The following TFDP1 variants were observed in gnomAD, a reference collection of about 807,000 sequenced individuals.
The protein encoded by TFDP1 is DRTF1-polypeptide 1.
In TFDP1, 6 loss-of-function variants were observed where a neutral mutation model predicts 48.0. That is an observed-to-expected ratio of 0.13 (90% CI 0.07 to 0.25). The LOEUF is 0.25. TFDP1 is among the 10% of genes least tolerant of loss of function. TFDP1 has a pLI of 1.00. For missense variants in TFDP1, 335 were observed against 543.0 expected, an observed-to-expected ratio of 0.62 and a Z score of 3.81; for synonymous variants, 201 against 211.6, an observed-to-expected ratio of 0.95 and a Z score of 0.44.
intron 4 of TFDP1, among the ~76,000 whole-genome samples, chr13:113,625,264 ATGTCCTCAGGTGTCTCTCACG>A (rs1655817437): frequency 3.1e-4 from 15 of 48,294 alleles, no homozygotes; most frequent in African/African-American, 8.6e-4. Flanking sequence ...TATCTCTCAC[ATGTCCTCAGGTGTCTCTCACG>A]TGTCCTCAGG....
chr13:113,597,110 C>T (rs1222984014), intron 2 of TFDP1, among the ~76,000 whole-genome samples: 2 of 152,136 alleles, frequency 1.3e-5, no homozygotes, highest in Non-Finnish European at 2.9e-5. Context: ...CCCCAGGCCA[C>T]CCTGGAGGAG....
intron 2 of TFDP1, among the ~76,000 whole-genome samples, chr13:113,602,510 G>T (rs2048462851): frequency 6.6e-6 from 1 of 152,210 alleles, no homozygotes; most frequent in Admixed American, 6.5e-5. Context: ...CATTCATTAT[G>T]CAGTTTAATG....
At chr13:113,631,553 A>G in intron 4 of TFDP1, 70 bp from the exon 5 acceptor site, 1 of 1,538,070 alleles carries the variant, frequency 6.5e-7, no homozygotes, top group Non-Finnish European at 8.7e-7. Context: ...GATAGCGAAC[A>G]GATGGTGGGC....
Position 113,598,328 on chromosome 13 carries a change from C to T in TFDP1, c.12+12479C>T, listed in dbSNP as rs1201958694. 6.6e-6 allele frequency among the ~76,000 whole-genome samples: 1 copy of T among 152,164 alleles called. No individual in the cohort carries two copies. Among genetic ancestry groups the T allele is most frequent in the Non-Finnish European group, 1.5e-5 (1 of 68,032 alleles). ...CATTTGTGCCTGTTGTAGACTAGAG[C>T]ATCATTTGGTGTTTTTCTGCTGGAA... On this transcript the variant is annotated intron_variant, in intron 2 of 11. Transcript: ENST00000375370. This position sits in a 1 kb window ranked among gnomAD's most constrained non-coding sequence, Gnocchi z 4.2.
chr13:113,602,449 G>A (rs1032246365), intron 2 of TFDP1, among the ~76,000 whole-genome samples: 8 of 151,316 alleles, frequency 5.3e-5, no homozygotes, highest in Admixed American at 2.0e-4. Context: ...GGTAGCAGGC[G>A]GGGCCCATCC....
chr13:113,608,798 T>C (rs1054123745), intron 2 of TFDP1, among the ~76,000 whole-genome samples: 1 of 152,212 alleles, frequency 6.6e-6, no homozygotes, highest in Non-Finnish European at 1.5e-5. Flanking sequence ...TCATCTCCTG[T>C]GGGTTCTAGC....
In TFDP1 at chr13:113,628,965, C is replaced by T. The variant is rs988422651; in HGVS notation, c.187-2658C>T. ...GCACAGGCGGCCGGCCCGAGTTCACCGGCTTCCTGTGCACCAGGAAGGAAA... is the reference window on the plus strand; with the variant it reads ...GCACAGGCGGCCGGCCCGAGTTCACTGGCTTCCTGTGCACCAGGAAGGAAA... On this transcript the variant is annotated intron_variant, in intron 4 of 11. Transcript: ENST00000375370. Among the ~76,000 whole-genome samples, 17 of 152,310 alleles carry T rather than the reference C, an allele frequency of 1.1e-4. No homozygotes were observed. In the East Asian group the frequency reaches 1.2e-3, roughly 10 times the overall value.
At chr13:113,589,837 C>T (rs556600383) in intron 2 of TFDP1, among the ~76,000 whole-genome samples, 4 of 152,204 alleles carry the variant, frequency 2.6e-5, no homozygotes, top group Non-Finnish European at 5.9e-5. Flanking sequence ...CAGCCTGCGG[C>T]CAAGTTTCCT....
intron 3 of TFDP1, among the ~76,000 whole-genome samples, chr13:113,619,907 T>TG (rs1001445689): frequency 1.3e-5 from 2 of 152,074 alleles, no homozygotes; most frequent in African/African-American, 4.8e-5. Context: ...GCAGCTGGTG[T>TG]GGGGGCTCAG....
chr13:113,638,532 A>G (rs1284784424), intron 11 of TFDP1, among the ~76,000 whole-genome samples: 1 of 151,796 alleles, frequency 6.6e-6, no homozygotes, highest in Admixed American at 6.6e-5. Flanking sequence ...ATTTTTCAGA[A>G]CGCGTCTGCA....
Position 113,627,308 on chromosome 13 carries a change from C to T in TFDP1, c.186+4022C>T, listed in dbSNP as rs748033204. Among the ~76,000 whole-genome samples the T allele has an allele frequency of 5.3e-5, 8 of 152,102 alleles. No individual in the cohort carries two copies. The highest frequency in any genetic ancestry group is 1.0e-4 in the Non-Finnish European group (7 of 68,012). On this transcript the variant is annotated intron_variant, in intron 4 of 11. Coordinates refer to ENST00000375370, the MANE Select transcript of TFDP1 (RefSeq NM_007111.5). This position sits in a 1 kb window ranked among gnomAD's most constrained non-coding sequence, Gnocchi z 4.1. ...CTGTGGTGCTGCAGAGCTCAGCACG[C>T]GCACAGGAACGTGTGCGGGACAGAG...
At chr13:113,636,784 A>AGGAATGGCCCCCAGCCTCCGACGG in intron 10 of TFDP1, 84 bp downstream of exon 10, 1 of 1,485,712 alleles carries the variant, frequency 6.7e-7, no homozygotes, top group African/African-American at 1.5e-5. Flanking sequence ...CCGGCTCGGG[A>AGGAATGGCCCCCAGCCTCCGACGG]TGTGTCTTGC....
chr13:113,589,154 G>T (rs2048079735), intron 2 of TFDP1, among the ~76,000 whole-genome samples: 1 of 152,114 alleles, frequency 6.6e-6, no homozygotes, highest in South Asian at 2.1e-4. Flanking sequence ...TGGTGAGAAG[G>T]ATTAGGTTTC....
At chr13:113,586,267 C>G (rs2048001335) in intron 2 of TFDP1, 1 of 158,638 alleles carries the variant, frequency 6.3e-6, no homozygotes, top group Non-Finnish European at 1.4e-5. Context: ...CTGTAGCCAC[C>G]TGCTGGCACC....
intron 4 of TFDP1, among the ~76,000 whole-genome samples, chr13:113,628,067 G>C (rs1024218240): frequency 6.6e-5 from 10 of 152,160 alleles, no homozygotes; most frequent in African/African-American, 2.4e-4. Flanking sequence ...CTTTAGAGTC[G>C]AAAGACTGTG....
In TFDP1 at chr13:113,628,765, C is replaced by T. The variant is rs527884146; in HGVS notation, c.187-2858C>T. Among the ~76,000 whole-genome samples the T allele has an allele frequency of 4.6e-5, 7 of 152,362 alleles. No homozygotes were observed. The South Asian group carries it at 1.5e-3, about 32-fold the overall frequency. ...TCCTTCCCGGCACTGTCCCATCCAC[C>T]CTTTGGCACCTCCTTGGTTCCTGTT... On this transcript the variant is annotated intron_variant, in intron 4 of 11. Coordinates refer to ENST00000375370, the MANE Select transcript of TFDP1 (RefSeq NM_007111.5).
At chr13:113,605,905 G>A (rs530700056) in intron 2 of TFDP1, among the ~76,000 whole-genome samples, 2 of 127,682 alleles carry the variant, frequency 1.6e-5, no homozygotes, top group African/African-American at 3.5e-5. Flanking sequence ...CCAAGGCGGC[G>A]CGGTGATGAG....
rs2049036099 is a variant in TFDP1 at position 113,623,130 on chromosome 13, T to C, written c.80-50T>C. Reference sequence around the variant, plus strand: ...GCATTTAGAATGGTCGCTTGTAGCCTTAACTTAGAAAAGGAGTCTCGCCCT... The same window carrying C: ...GCATTTAGAATGGTCGCTTGTAGCCCTAACTTAGAAAAGGAGTCTCGCCCT... On this transcript the variant is annotated intron_variant, in intron 3 of 11. Coordinates refer to ENST00000375370, the MANE Select transcript of TFDP1 (RefSeq NM_007111.5). The surrounding 1 kb of genome is among the most constrained non-coding windows in gnomAD (Gnocchi z 5.2). 1.3e-6 allele frequency: 2 copies of C among 1,532,462 alleles called. No homozygotes were observed. The highest frequency in any genetic ancestry group is 8.9e-7 in the Non-Finnish European group (1 of 1,119,816). 94.9% of individuals were successfully genotyped at this position (1,532,462 alleles called of 1,614,324 possible). A position where few individuals can be genotyped will look rare whatever the true frequency, so the allele number is the denominator to read the frequency against.
chr13:113,620,040 C>A (rs1269025712), intron 3 of TFDP1, among the ~76,000 whole-genome samples: 2 of 152,210 alleles, frequency 1.3e-5, no homozygotes, highest in African/African-American at 4.8e-5. Flanking sequence ...TTTGTCTCCC[C>A]CTTCCTAATT....
Sources: gnomAD v4.1 joint callset for allele counts (sites outside exome capture counted in the v4.1 genomes callset) on GRCh38, gnomAD v4.1.1 for gene constraint, Gnocchi (gnomAD v3.1) non-coding constraint, MANE v1.5 for transcripts, NCBI Gene and HGNC (gene_info 2026-07-23, HGNC 2026-07-21) for gene names.